The following SCN1A variants were observed in gnomAD, a reference collection of about 807,000 sequenced individuals.
SCN1A encodes sodium voltage-gated channel alpha subunit 1.
SCN1A carries 13 observed loss-of-function variants against 193.7 expected under a neutral mutation model. The observed-to-expected ratio is 0.07, with a 90% CI of 0.04 to 0.11. The LOEUF (loss-of-function observed/expected upper bound fraction) is 0.11. Ranked by LOEUF, SCN1A falls within the 10% of genes least tolerant of loss-of-function variation. The pLI is 1.00. For missense variants in SCN1A, 1,432 were observed against 2,451.1 expected (o/e 0.58, Z 8.78); for synonymous variants, 781 against 843.6 (o/e 0.93, Z 1.29).
intron 1 of SCN1A, among the ~76,000 whole-genome samples, chr2:166,137,804 G>A (rs1324032800): frequency 6.6e-6 from 1 of 152,124 alleles, no homozygotes; most frequent in African/African-American, 2.4e-5. Flanking sequence ...GGCAGAGGTT[G>A]GAACAATTTG....
chr2:166,113,173 C>T, intron 2 of SCN1A, among the ~76,000 whole-genome samples: 1 of 152,072 alleles, frequency 6.6e-6, no homozygotes, highest in Admixed American at 6.5e-5. Context: ...AATTGTGGGA[C>T]ACTCAACTGG....
At chr2:166,114,833 C>A (rs1334633547) in intron 2 of SCN1A, among the ~76,000 whole-genome samples, 1 of 151,838 alleles carries the variant, frequency 6.6e-6, no homozygotes. Flanking sequence ...TTGAAAACAC[C>A]ATAGGAATCC....
chr2:166,136,921 G>A (rs140826686), intron 1 of SCN1A, among the ~76,000 whole-genome samples: 22 of 152,264 alleles, frequency 1.4e-4, no homozygotes, highest in African/African-American at 5.1e-4. Flanking sequence ...TGCCTGTCTT[G>A]GGCTGCATTC....
upstream of SCN1A, among the ~76,000 whole-genome samples, chr2:166,128,604 T>C (rs559532349): frequency 2.7e-4 from 41 of 152,310 alleles, no homozygotes; most frequent in African/African-American, 9.6e-4. Flanking sequence ...AAGTCTTCTA[T>C]GGACATTTAC....
chr2:166,055,482 A>C (rs6758425), intron 6 of SCN1A, among the ~76,000 whole-genome samples: 4,643 of 151,988 alleles, frequency 0.031, 253 homozygotes, highest in African/African-American at 0.1. Context: ...ATTTTCTTCA[A>C]GATGTCATGT....
At chr2:166,088,103 C>T (rs954864548) in intron 2 of SCN1A, among the ~76,000 whole-genome samples, 6 of 143,756 alleles carry the variant, frequency 4.2e-5, no homozygotes, top group South Asian at 2.2e-4. Flanking sequence ...TGAGCTACAA[C>T]ACAATCTTGA....
rs1688908091 is a variant in SCN1A, at chr2:165,989,910, A to G, written c.*1335T>C. ...TGTCTGTACAGTCTGGCTATATACC[A>G]TATGTTATCCACTTAAAATGTAAAA... On this transcript the variant is annotated 3_prime_UTR_variant, in exon 29 of 29. Coordinates refer to ENST00000674923, the MANE Select transcript of SCN1A (RefSeq NM_001165963.4). The G allele has an allele frequency of 6.6e-6, 1 of 152,588 alleles. No homozygotes were observed. 9.5% of individuals were successfully genotyped at this position (152,588 alleles called of 1,614,324 possible). A position where few individuals can be genotyped will look rare whatever the true frequency, so the allele number is the denominator to read the frequency against.
At chr2:166,020,918 G>C (rs1157138669) in intron 19 of SCN1A, among the ~76,000 whole-genome samples, 1 of 152,076 alleles carries the variant, frequency 6.6e-6, no homozygotes, top group Non-Finnish European at 1.5e-5. Flanking sequence ...ACCCATGCTG[G>C]AACAAGGCAC....
At chr2:166,144,925 C>CA (rs1692246076) in intron 1 of SCN1A, among the ~76,000 whole-genome samples, 1 of 149,500 alleles carries the variant, frequency 6.7e-6, no homozygotes, top group Admixed American at 6.7e-5. Context: ...GATCTCGGCT[C>CA]GCTGCAACCT....
rs551318474 is a variant in SCN1A at position 165,988,762 on chromosome 2, G to C, written c.*2483C>G. ...ATGCAGAAGCAGAGAGAGTGGCTCT[G>C]GAGGAGCAAACACAGTATCCTACAC... On this transcript the variant is annotated 3_prime_UTR_variant, in exon 29 of 29. Transcript: ENST00000674923. The C allele has an allele frequency of 6.6e-6, 1 of 152,126 alleles. No individual in the cohort carries two copies. Among genetic ancestry groups the C allele is most frequent in the Non-Finnish European group, 1.5e-5 (1 of 68,050 alleles). 9.4% of individuals were successfully genotyped at this position (152,126 alleles called of 1,614,324 possible). A position where few individuals can be genotyped will look rare whatever the true frequency, so the allele number is the denominator to read the frequency against.
chr2:166,006,373 A>G (rs1028242538), intron 23 of SCN1A, among the ~76,000 whole-genome samples: 2 of 151,324 alleles, frequency 1.3e-5, no homozygotes, highest in Non-Finnish European at 3.0e-5. Flanking sequence ...TTCTTGTATA[A>G]TACACTTAAA....
chr2:166,107,688 T>C (rs1688845141), intron 2 of SCN1A, among the ~76,000 whole-genome samples: 1 of 152,070 alleles, frequency 6.6e-6, no homozygotes, highest in Non-Finnish European at 1.5e-5. Context: ...CAGCTTTGGG[T>C]GCTAACATAA....
chr2:166,101,285 C>A (rs1337721376), intron 2 of SCN1A, among the ~76,000 whole-genome samples: 3 of 147,042 alleles, frequency 2.0e-5, no homozygotes, highest in Admixed American at 7.0e-5. Context: ...CGCATATTCT[C>A]ACTCATAGGT....
intron 1 of SCN1A, among the ~76,000 whole-genome samples, chr2:166,136,335 T>TC: frequency 6.6e-6 from 1 of 152,314 alleles, no homozygotes; most frequent in South Asian, 2.1e-4. Context: ...ATGTGGATTT[T>TC]CCCATGCTCT....
chr2:166,050,229 G>A (rs1698374073), intron 9 of SCN1A, among the ~76,000 whole-genome samples: 1 of 151,726 alleles, frequency 6.6e-6, no homozygotes, highest in Non-Finnish European at 1.5e-5. Context: ...TTAATGATCA[G>A]CCTTAACCTG....
At chr2:166,006,989 T>A (rs561221386) in intron 23 of SCN1A, among the ~76,000 whole-genome samples, 1 of 151,094 alleles carries the variant, frequency 6.6e-6, no homozygotes, top group Admixed American at 6.6e-5. Flanking sequence ...CTAAATCATA[T>A]TCAATGAAAC....
chr2:166,107,197 A>G (rs1688788826), intron 2 of SCN1A, among the ~76,000 whole-genome samples: 1 of 152,222 alleles, frequency 6.6e-6, no homozygotes, highest in African/African-American at 2.4e-5. Flanking sequence ...TCGAATTCAC[A>G]TAAGCATTTA....
At chr2:165,993,245 T>C (rs1250263005) in intron 28 of SCN1A, 1 of 149,058 alleles carries the variant, frequency 6.7e-6, no homozygotes, top group Non-Finnish European at 1.5e-5. Context: ...CGTGTGAGAA[T>C]ACAACTTTTA....
chr2:166,046,279 A>G (rs747546533), intron 12 of SCN1A, among the ~76,000 whole-genome samples: 2 of 152,178 alleles, frequency 1.3e-5, no homozygotes, highest in African/African-American at 2.4e-5. Context: ...TCATATGTCT[A>G]TTGGATGCTG....
Sources: gnomAD v4.1 joint callset for allele counts (sites outside exome capture counted in the v4.1 genomes callset) on GRCh38, gnomAD v4.1.1 for gene constraint, MANE v1.5 for transcripts, NCBI Gene and HGNC (gene_info 2026-07-23, HGNC 2026-07-21) for gene names.